FBXL2: variants seen among roughly 807,000 people sequenced by gnomAD.
The protein encoded by FBXL2 is F-box and leucine rich repeat protein 2.
In FBXL2, 38 loss-of-function variants were observed where a neutral mutation model predicts 69.2. The observed-to-expected ratio is 0.55, with a 90% CI of 0.42 to 0.72. The LOEUF (loss-of-function observed/expected upper bound fraction) is 0.72, where lower values mean the gene tolerates loss of function less well. Ranked by LOEUF, FBXL2 falls within the 30% of genes least tolerant of loss-of-function variation. FBXL2 has a pLI of 0.00. For synonymous variants in FBXL2, 192 were observed against 201.3 expected, an observed-to-expected ratio of 0.95 and a Z score of 0.39; for missense variants, 354 against 520.3, an observed-to-expected ratio of 0.68 and a Z score of 3.11.
Position 33,362,602 on chromosome 3 carries a change from C to G in FBXL2, c.196-2023C>G, listed in dbSNP as rs115128656. On this transcript the variant is annotated intron_variant, in intron 4 of 14. Transcript: ENST00000484457. ...AGAAAGTTTATATAAATGTTACTAACTTGATATTCCCCATCCTGTGTCCAT... is the reference window on the plus strand; with the variant it reads ...AGAAAGTTTATATAAATGTTACTAAGTTGATATTCCCCATCCTGTGTCCAT... Among the ~76,000 whole-genome samples the G allele has an allele frequency of 5.8e-3, 877 of 152,302 alleles. 8 individuals are homozygous for G. The highest frequency in any genetic ancestry group is 0.02 in the African/African-American group (815 of 41,568).
intron 2 of FBXL2, among the ~76,000 whole-genome samples, chr3:33,329,440 T>C (rs1206292630): frequency 1.3e-5 from 2 of 152,162 alleles, no homozygotes; most frequent in African/African-American, 4.8e-5. Context: ...GAAAGAAAAT[T>C]AATATATCAA....
intron 2 of FBXL2, among the ~76,000 whole-genome samples, chr3:33,312,981 A>G (rs1162240326): frequency 2.0e-5 from 3 of 151,958 alleles, no homozygotes; most frequent in Admixed American, 1.3e-4. Flanking sequence ...ATTTGCTGGC[A>G]TGGTGTTGTG....
intron 5 of FBXL2, among the ~76,000 whole-genome samples, chr3:33,366,128 A>G (rs940667157): frequency 6.6e-6 from 1 of 152,212 alleles, no homozygotes; most frequent in African/African-American, 2.4e-5. Context: ...CATGAATTAG[A>G]TTGGCTCTTT....
intron 2 of FBXL2, among the ~76,000 whole-genome samples, chr3:33,330,418 C>A (rs942569541): frequency 6.6e-6 from 1 of 151,974 alleles, no homozygotes; most frequent in Non-Finnish European, 1.5e-5. Flanking sequence ...AGAAATAATA[C>A]CTGTTTTTTG....
intron 12 of FBXL2, among the ~76,000 whole-genome samples, chr3:33,393,752 A>G (rs1250166815): frequency 6.6e-6 from 1 of 152,188 alleles, no homozygotes; most frequent in Non-Finnish European, 1.5e-5. Flanking sequence ...TTTTTATTCA[A>G]TGAATATAGT....
At chr3:33,356,865 C>T (rs965538108) in intron 2 of FBXL2, among the ~76,000 whole-genome samples, 2 of 152,180 alleles carry the variant, frequency 1.3e-5, no homozygotes, top group Admixed American at 6.5e-5. Context: ...TAGCGGCTCA[C>T]ATCTCTTAGA....
At chr3:33,322,023 T>C (rs2038265640) in intron 2 of FBXL2, among the ~76,000 whole-genome samples, 1 of 150,844 alleles carries the variant, frequency 6.6e-6, no homozygotes, top group African/African-American at 2.5e-5. Context: ...CTTTTGAGTA[T>C]ACCCTTAGGA....
chr3:33,282,303 A>T (rs1336644706), intron 1 of FBXL2, among the ~76,000 whole-genome samples: 1 of 152,198 alleles, frequency 6.6e-6, no homozygotes, highest in Non-Finnish European at 1.5e-5. Flanking sequence ...TTAAATAGGG[A>T]ATCCTTTCCC....
At chr3:33,420,811 T>A in the FBXL2 span, among the ~76,000 whole-genome samples, 1 of 152,026 alleles carries the variant, frequency 6.6e-6, no homozygotes, top group Non-Finnish European at 1.5e-5. Flanking sequence ...TTAGTAGAGA[T>A]GGGGTTTCAC....
rs374976671 is a variant in FBXL2, at chr3:33,297,644, C to CTTTTTTTTTT, written c.4-18_4-9dup. The CTTTTTTTTTT allele has an allele frequency of 7.0e-6, 8 of 1,137,020 alleles. No homozygotes were observed. Among genetic ancestry groups the CTTTTTTTTTT allele is most frequent in the South Asian group, 1.6e-5 (1 of 61,036 alleles). 70.4% of individuals were successfully genotyped at this position (1,137,020 alleles called of 1,614,324 possible). On this transcript the variant is annotated intron_variant, in intron 1 of 14. Transcript: ENST00000484457. ...GATTAAAGAACATTTTCACAATTTC[C>CTTTTTTTTTT]TTTTTTTTTTTCTTTCCAGGTTTTC... is the stretch of plus-strand genomic sequence containing the variant.
intron 2 of FBXL2, among the ~76,000 whole-genome samples, chr3:33,336,044 A>AT (rs2039552814): frequency 6.6e-6 from 1 of 152,190 alleles, no homozygotes; most frequent in African/African-American, 2.4e-5. Context: ...ATTCGAAACA[A>AT]TTTTAATCAT....
rs1282219173 is a variant in FBXL2 at position 33,387,618 on chromosome 3, A to G, written c.*2010A>G. The G allele has an allele frequency of 6.7e-6, 1 of 150,292 alleles. No homozygotes were observed. The highest frequency in any genetic ancestry group is 2.5e-5 in the African/African-American group (1 of 39,842). The allele number at this position is 150,292 out of a possible 1,614,324, so 9.3% of individuals were successfully genotyped here. On this transcript the variant is annotated 3_prime_UTR_variant, in exon 15 of 15. Coordinates refer to ENST00000484457, the MANE Select transcript of FBXL2 (RefSeq NM_012157.5). ...TGAGACTCCATCATCATCTCAAAACAAAACAAACAAACAAACAAAACAAAC... is the reference window on the plus strand; with the variant it reads ...TGAGACTCCATCATCATCTCAAAACGAAACAAACAAACAAACAAAACAAAC...
the FBXL2 span, chr3:33,411,590 A>G: frequency 2.6e-5 from 42 of 1,613,980 alleles, no homozygotes; most frequent in African/African-American, 4.9e-4. Context: ...CCTGAATGAA[A>G]GCAGAGGTGC....
At chr3:33,393,352 C>T in intron 12 of FBXL2, 1 of 1,612,770 alleles carries the variant, frequency 6.2e-7, no homozygotes. Context: ...GGGACCCTGT[C>T]TGTAAACCTG....
chr3:33,353,379 A>G (rs1397499785), intron 2 of FBXL2, among the ~76,000 whole-genome samples: 1 of 152,252 alleles, frequency 6.6e-6, no homozygotes, highest in Non-Finnish European at 1.5e-5. Context: ...GAAGCAACTA[A>G]GATGTCCTGC....
chr3:33,328,161 G>A (rs1228441044), intron 2 of FBXL2, among the ~76,000 whole-genome samples: 1 of 152,034 alleles, frequency 6.6e-6, no homozygotes, highest in Non-Finnish European at 1.5e-5. Context: ...TCAAAGATCT[G>A]TACAAGGAAA....
At chr3:33,416,829 A>G in the FBXL2 span, 1 of 1,612,968 alleles carries the variant, frequency 6.2e-7, no homozygotes, top group African/African-American at 1.3e-5. Flanking sequence ...ATTTCATATG[A>G]CTGACCTATT....
chr3:33,338,688 A>G (rs998646521), intron 2 of FBXL2, among the ~76,000 whole-genome samples: 2 of 152,204 alleles, frequency 1.3e-5, no homozygotes, highest in Non-Finnish European at 2.9e-5. Context: ...AGGATTCCCT[A>G]TTCAATGAAT....
chr3:33,353,944 A>G (rs373376100), intron 2 of FBXL2, among the ~76,000 whole-genome samples: 1 of 152,152 alleles, frequency 6.6e-6, no homozygotes, highest in East Asian at 1.9e-4. Flanking sequence ...AGGGATGAAT[A>G]GGTGAAACAT....
Sources: allele counts gnomAD v4.1 joint callset (sites outside exome capture counted in the v4.1 genomes callset), GRCh38; gene constraint gnomAD v4.1.1; transcripts MANE v1.5; gene names NCBI Gene and HGNC (gene_info 2026-07-23, HGNC 2026-07-21).